GPR141: variants seen among roughly 807,000 people sequenced by gnomAD.
The protein encoded by GPR141 is probable G protein-coupled receptor 141.
A neutral mutation model predicts 6.8 loss-of-function variants in GPR141; 6 were observed. The observed-to-expected ratio is 0.88, with a 90% CI of 0.48 to 1.74. GPR141 has a LOEUF of 1.74. Among genes scored for constraint, GPR141 ranks in the 40% most tolerant of loss-of-function variants. The pLI, the probability that GPR141 is intolerant of heterozygous loss-of-function variation, is 0.01. For synonymous variants in GPR141, 140 were observed against 142.3 expected (o/e 0.98, Z 0.11); for missense variants, 372 against 372.9 (o/e 1.00, Z 0.02).
chr7:37,723,522 G>A (rs1260713424), intron 2 of GPR141, among the ~76,000 whole-genome samples: 6 of 152,178 alleles, frequency 3.9e-5, no homozygotes, highest in Non-Finnish European at 7.3e-5. Flanking sequence ...GTGAAGCACA[G>A]AGTGAATCTT....
intron 2 of GPR141, among the ~76,000 whole-genome samples, chr7:37,711,908 T>G (rs1441704436): frequency 1.3e-5 from 2 of 152,128 alleles, no homozygotes; most frequent in African/African-American, 4.8e-5. Flanking sequence ...GCAGCCAGAG[T>G]GCTGGAGGTT....
At chr7:37,703,389 C>A (rs1469501201) in intron 2 of GPR141, among the ~76,000 whole-genome samples, 2 of 152,158 alleles carry the variant, frequency 1.3e-5, no homozygotes, top group Non-Finnish European at 2.9e-5. Flanking sequence ...TTTGGCCTTA[C>A]TGAATCTGAT....
At position 37,723,691 on chromosome 7, in the gene GPR141, A is replaced by C. The variant is rs143889779; in HGVS notation, c.-14-16689A>C. On this transcript the variant is annotated intron_variant, in intron 2 of 2. Transcript: ENST00000334425. ...CCTGTCTGAAGGCCTCGTCCCTTAC[A>C]TGTCCGTATAGACATGTTTCTCTGT... Among the ~76,000 whole-genome samples, 5 of 152,162 alleles carry C rather than the reference A, an allele frequency of 3.3e-5. No individual in the cohort carries two copies. In the East Asian group the frequency reaches 9.6e-4, roughly 29 times the overall value.
At chr7:37,728,872 A>G (rs966498068) in intron 2 of GPR141, among the ~76,000 whole-genome samples, 29 of 152,336 alleles carry the variant, frequency 1.9e-4, no homozygotes, top group African/African-American at 7.0e-4. Context: ...CTGGTATGTC[A>G]GGTCAGCTAA....
chr7:37,701,701 A>G (rs11764256), intron 2 of GPR141, among the ~76,000 whole-genome samples: 76,371 of 151,934 alleles, frequency 0.5, 19,601 homozygotes, highest in East Asian at 0.63. Flanking sequence ...GAGTTTTCTC[A>G]TTCAGTGGAA....
intron 2 of GPR141, among the ~76,000 whole-genome samples, chr7:37,731,116 A>G (rs1207871325): frequency 1.3e-5 from 2 of 152,262 alleles, no homozygotes; most frequent in South Asian, 2.1e-4. Context: ...TGACACTGCT[A>G]AAATTAAAAC....
At chr7:37,684,466 T>G (rs1449398820) in intron 1 of GPR141, among the ~76,000 whole-genome samples, 1 of 152,152 alleles carries the variant, frequency 6.6e-6, no homozygotes, top group Non-Finnish European at 1.5e-5. Flanking sequence ...AAAGTACTAC[T>G]TAACAGGAAG....
In GPR141 at chr7:37,740,963, A is replaced by G. The variant is rs751814120; in HGVS notation, c.570A>G (p.Ile190Met). The change falls in exon 3 of 3, where the codon ATA (isoleucine) becomes ATG (methionine). Residue 190 changes from isoleucine (I) to methionine (M), a missense_variant. Transcript: ENST00000334425. ...IINYMIVIFVIAVAVILLVFQ... is the reference protein window; with the variant it reads ...IINYMIVIFVMAVAVILLVFQ... ...ACTATATGATAGTCATTTTTGTCAT[A>G]GCCGTTGCTGTGATTCTGTTGGTCT... is the stretch of plus-strand genomic sequence containing the variant. 6.2e-7 allele frequency: 1 copy of G among 1,614,010 alleles called. No homozygotes were observed. Among genetic ancestry groups the G allele is most frequent in the South Asian group, 1.1e-5 (1 of 91,070 alleles).
chr7:37,737,718 A>T (rs1398068200), intron 2 of GPR141, among the ~76,000 whole-genome samples: 1 of 152,120 alleles, frequency 6.6e-6, no homozygotes, highest in African/African-American at 2.4e-5. Flanking sequence ...GCACATTGAC[A>T]TCCCTCATTT....
Position 37,740,923 on chromosome 7 carries a change from A to G in GPR141, c.530A>G (p.Tyr177Cys). 6.2e-7 allele frequency: 1 copy of G among 1,614,116 alleles called. No individual in the cohort carries two copies. ...FKFHKELAYT[Y>C]VKIINYMIVI... ...TTTCACAAAGAGCTTGCTTACACAT[A>G]TGTGAAAATCATCAACTATATGATA... The change falls in exon 3 of 3, where the codon TAT becomes TGT. Residue 177 changes from tyrosine (Y) to cysteine (C), a missense_variant. Physicochemically the swap from Tyr to Cys is radical, Grantham distance 194. Coordinates refer to ENST00000334425, the MANE Select transcript of GPR141 (RefSeq NM_001381946.1).
intron 2 of GPR141, among the ~76,000 whole-genome samples, chr7:37,696,771 A>C (rs1189868565): frequency 6.6e-6 from 1 of 152,096 alleles, no homozygotes; most frequent in Non-Finnish European, 1.5e-5. Context: ...TTTTGGCATG[A>C]GATGCAATAA....
At chr7:37,700,257 C>A (rs1367858042) in intron 2 of GPR141, among the ~76,000 whole-genome samples, 8 of 152,166 alleles carry the variant, frequency 5.3e-5, no homozygotes, top group Admixed American at 5.2e-4. Flanking sequence ...TATTTTGTTA[C>A]ATTTTACTTT....
At chr7:37,719,539 A>G (rs1811214209) in intron 2 of GPR141, among the ~76,000 whole-genome samples, 1 of 152,190 alleles carries the variant, frequency 6.6e-6, no homozygotes, top group Admixed American at 6.5e-5. Flanking sequence ...TGGAGGATCA[A>G]AATGATTCTA....
intron 2 of GPR141, among the ~76,000 whole-genome samples, chr7:37,713,085 G>A (rs1810885688): frequency 6.6e-6 from 1 of 152,148 alleles, no homozygotes; most frequent in South Asian, 2.1e-4. Context: ...TTGGTCTATG[G>A]GCCAAAGCAA....
intron 2 of GPR141, among the ~76,000 whole-genome samples, chr7:37,725,315 A>G (rs1485310644): frequency 6.6e-6 from 1 of 152,212 alleles, no homozygotes; most frequent in African/African-American, 2.4e-5. Context: ...CATCTGTTCA[A>G]GGTGCAGCAG....
intron 2 of GPR141, among the ~76,000 whole-genome samples, chr7:37,725,419 T>TC (rs1811577638): frequency 6.6e-6 from 1 of 152,064 alleles, no homozygotes; most frequent in African/African-American, 2.4e-5. Context: ...GGGTGAGGCA[T>TC]CCAGGGCTCC....
intron 2 of GPR141, among the ~76,000 whole-genome samples, chr7:37,719,309 A>G (rs1175944049): frequency 6.6e-6 from 1 of 152,038 alleles, no homozygotes; most frequent in African/African-American, 2.4e-5. Context: ...CAAATCATAC[A>G]CTCTTGGGAT....
chr7:37,710,334 A>G (rs994645663), intron 2 of GPR141, among the ~76,000 whole-genome samples: 2 of 152,138 alleles, frequency 1.3e-5, no homozygotes, highest in African/African-American at 4.8e-5. Flanking sequence ...ATGCAACTAC[A>G]TAGACTCCAT....
At chr7:37,709,831 A>G (rs1179171805) in intron 2 of GPR141, 2 of 152,178 alleles carry the variant, frequency 1.3e-5, no homozygotes, top group South Asian at 2.1e-4. Flanking sequence ...AGGCTTGGGT[A>G]TTGCATACAA....
Sources: gnomAD v4.1 joint callset for allele counts (sites outside exome capture counted in the v4.1 genomes callset) on GRCh38, gnomAD v4.1.1 for gene constraint, MANE v1.5 for transcripts, NCBI Gene and HGNC (gene_info 2026-07-23, HGNC 2026-07-21) for gene names.